Variants in DOK7 observed in about 807,000 individuals in gnomAD.
DOK7 encodes protein Dok-7.
A neutral mutation model predicts 30.7 loss-of-function variants in DOK7; 32 were observed. That is an observed-to-expected ratio of 1.04 (90% CI 0.79 to 1.40). DOK7 has a LOEUF of 1.40. DOK7 is among the 40% of genes most tolerant of loss of function. The pLI, the probability that DOK7 is intolerant of heterozygous loss-of-function variation, is 0.00. For missense variants in DOK7, 1,007 were observed against 699.2 expected (o/e 1.44, Z -4.97); for synonymous variants, 447 against 324.1 (o/e 1.38, Z -4.07).
intron 2 of DOK7, among the ~76,000 whole-genome samples, chr4:3,468,637 C>T (rs1480964797): frequency 2.3e-5 from 3 of 127,792 alleles, no homozygotes; most frequent in Admixed American, 8.0e-5. Context: ...TGTGTATATG[C>T]CTGTGTGTGT....
At chr4:3,464,256 G>T (rs1414299220) in intron 2 of DOK7, among the ~76,000 whole-genome samples, 1 of 152,200 alleles carries the variant, frequency 6.6e-6, no homozygotes, top group Non-Finnish European at 1.5e-5. Context: ...TGCATGGGGG[G>T]CTGTACGCCA....
chr4:3,479,414 G>A (rs73793936), intron 4 of DOK7, among the ~76,000 whole-genome samples: 1,731 of 152,346 alleles, frequency 0.011, 34 homozygotes, highest in African/African-American at 0.039. Flanking sequence ...CCACTGGGAC[G>A]GAGAAATATC....
chr4:3,493,199 T>C lies in DOK7; in HGVS notation c.1213T>C (p.Tyr405His), dbSNP rs1454308031. The C allele has an allele frequency of 1.9e-6, 3 of 1,611,430 alleles. No individual in the cohort carries two copies. Among genetic ancestry groups the C allele is most frequent in the Admixed American group, 1.7e-5 (1 of 59,908 alleles). The stretch of plus-strand genomic sequence containing the variant: ...GGTGCCCACCTCCCTGCGGGCCCAC[T>C]ATGACACACCACGCAGCCTTTGCCT... ...YQVPTSLRAH[Y>H]DTPRSLCLAP... Residue 405 changes from tyrosine (Y) to histidine (H), a missense_variant, in exon 7 of 7, where the codon TAT becomes CAT. Coordinates refer to ENST00000340083, the MANE Select transcript of DOK7 (RefSeq NM_173660.5).
chr4:3,497,403 G>T (rs115170086), downstream of DOK7, among the ~76,000 whole-genome samples: 1 of 151,990 alleles, frequency 6.6e-6, no homozygotes, highest in African/African-American at 2.4e-5. Flanking sequence ...GGGCCAGGTT[G>T]GGAGGGAGGG....
At chr4:3,492,245 G>A (rs1728517100) in intron 6 of DOK7, among the ~76,000 whole-genome samples, 1 of 152,052 alleles carries the variant, frequency 6.6e-6, no homozygotes, top group Admixed American at 6.5e-5. Context: ...AAGGACGCCA[G>A]CATGGTGAGG....
intron 4 of DOK7, among the ~76,000 whole-genome samples, chr4:3,483,572 G>T (rs539564326): frequency 5.3e-5 from 8 of 152,244 alleles, no homozygotes; most frequent in Non-Finnish European, 1.2e-4. Flanking sequence ...GGCCTTGCCC[G>T]GTTGACCGTG....
At chr4:3,495,206 A>G (rs548540894), downstream of DOK7, among the ~76,000 whole-genome samples, 1 of 152,198 alleles carries the variant, frequency 6.6e-6, no homozygotes, top group Non-Finnish European at 1.5e-5. Context: ...CAGGCGCTCA[A>G]TAGCTGCCCG....
At chr4:3,468,020 G>A (rs1243292621) in intron 2 of DOK7, among the ~76,000 whole-genome samples, 1 of 152,192 alleles carries the variant, frequency 6.6e-6, no homozygotes, top group Non-Finnish European at 1.5e-5. Flanking sequence ...TTCAACACTG[G>A]AATTTCAGAT....
Position 3,473,433 on chromosome 4 carries a change from A to T in DOK7, c.128A>T (p.Asp43Val), listed in dbSNP as rs778174005. 5.0e-6 allele frequency: 8 copies of T among 1,610,996 alleles called. No homozygotes were observed. Among genetic ancestry groups the T allele is most frequent in the Non-Finnish European group, 5.9e-6 (7 of 1,179,804 alleles). ...ADCLLMLVYKDKSERIKGLRE... is the reference protein window; with the variant it reads ...ADCLLMLVYKVKSERIKGLRE... ...TGCCTGCTGATGCTGGTCTACAAGG[A>T]CAAGTCGGAGCGTATCAAGGGCCTG... Residue 43 changes from aspartate (D) to valine (V), a missense_variant, in exon 3 of 7, where the codon GAC becomes GTC. By Grantham distance (152) the Asp-to-Val change is radical. Coordinates refer to ENST00000340083, the MANE Select transcript of DOK7 (RefSeq NM_173660.5).
chr4:3,472,302 T>G (rs1371521165), intron 2 of DOK7, among the ~76,000 whole-genome samples: 1 of 152,320 alleles, frequency 6.6e-6, no homozygotes, highest in Admixed American at 6.5e-5. Flanking sequence ...GTGTGAAGAG[T>G]GAGCACCTGC....
Position 3,463,558 on chromosome 4 carries a change from G to A in DOK7, c.100+7G>A. On this transcript the variant is annotated splice_region_variant and intron_variant, in intron 2 of 6. Transcript: ENST00000340083. ...AAGCCGTCGCCCGTGGCAGGTGAGCGGGGCGGGCGGGGGACGGGGGGCGCG... is the reference window on the plus strand; with the variant it reads ...AAGCCGTCGCCCGTGGCAGGTGAGCAGGGCGGGCGGGGGACGGGGGGCGCG... 1.3e-6 allele frequency: 2 copies of A among 1,517,256 alleles called. No homozygotes were observed. The highest frequency in any genetic ancestry group is 8.8e-7 in the Non-Finnish European group (1 of 1,135,592). The allele number at this position is 1,517,256 out of a possible 1,614,324, so 94.0% of individuals were successfully genotyped here. A position where few individuals can be genotyped will look rare whatever the true frequency, so the allele number is the denominator to read the frequency against.
chr4:3,485,156 G>A lies in DOK7; in HGVS notation c.533-383G>A, dbSNP rs571699336. Among the ~76,000 whole-genome samples the A allele has an allele frequency of 2.2e-3, 339 of 152,342 alleles. 1 individual carries two copies. Among genetic ancestry groups the A allele is most frequent in the African/African-American group, 7.7e-3 (320 of 41,582 alleles). The stretch of plus-strand genomic sequence containing the variant: ...CCCATCCCCCCAAGCAAGCCCGGAA[G>A]GCAGGTATGTGGGCGGGGGCACCCA... On this transcript the variant is annotated intron_variant, in intron 4 of 6. Coordinates refer to ENST00000340083, the MANE Select transcript of DOK7 (RefSeq NM_173660.5).
At chr4:3,495,919 G>A (rs930156441), downstream of DOK7, among the ~76,000 whole-genome samples, 5 of 152,192 alleles carry the variant, frequency 3.3e-5, no homozygotes, top group Non-Finnish European at 5.9e-5. Context: ...GGGGCCTCGT[G>A]TGAGGGTCCC....
intron 6 of DOK7, chr4:3,500,175 G>A: frequency 1.3e-6 from 2 of 1,491,322 alleles, no homozygotes; most frequent in Non-Finnish European, 1.8e-6. Context: ...AGGGTGGGCA[G>A]CTCTTTACTG....
chr4:3,489,187 G>A (rs1485428468), intron 5 of DOK7, among the ~76,000 whole-genome samples: 1 of 152,192 alleles, frequency 6.6e-6, no homozygotes, highest in Non-Finnish European at 1.5e-5. Context: ...CACAGTATGA[G>A]TCTCCATCCG....
chr4:3,500,559 C>G, intron 7 of DOK7: 1 of 1,488,404 alleles, frequency 6.7e-7, no homozygotes, highest in Non-Finnish European at 9.0e-7. Flanking sequence ...CATCCCTGGC[C>G]AGGCCACATC....
intron 5 of DOK7, among the ~76,000 whole-genome samples, chr4:3,488,825 T>C (rs80074539): frequency 0.013 from 1,974 of 150,472 alleles, 44 homozygotes; most frequent in African/African-American, 0.046. Context: ...TTGGGATGGC[T>C]GTGGCCGTGG....
intron 4 of DOK7, chr4:3,484,478 G>A (rs904618110): frequency 6.1e-6 from 6 of 984,820 alleles, no homozygotes; most frequent in Admixed American, 6.1e-5. Context: ...GCCCCGGAGC[G>A]GGCGGGATTC....
Position 3,486,282 on chromosome 4 carries a change from G to A in DOK7, c.652+624G>A, listed in dbSNP as rs939081994. Among the ~76,000 whole-genome samples the A allele has an allele frequency of 2.0e-5, 3 of 152,172 alleles. No homozygotes were observed. In the South Asian group the frequency reaches 6.2e-4, roughly 31 times the overall value. Reference sequence around the variant, plus strand: ...GGGGCTCTGGTGCCTGGGCACGGTGGGGCTCCCCAGGTCGGGGCGGGTGCT... The same window carrying A: ...GGGGCTCTGGTGCCTGGGCACGGTGAGGCTCCCCAGGTCGGGGCGGGTGCT... On this transcript the variant is annotated intron_variant, in intron 5 of 6. Coordinates refer to ENST00000340083, the MANE Select transcript of DOK7 (RefSeq NM_173660.5).
Sources: allele counts gnomAD v4.1 joint callset (sites outside exome capture counted in the v4.1 genomes callset), GRCh38; gene constraint gnomAD v4.1.1; transcripts MANE v1.5; gene names NCBI Gene and HGNC (gene_info 2026-07-23, HGNC 2026-07-21).